GRIN2A: variants seen among roughly 807,000 people sequenced by gnomAD.
The protein encoded by GRIN2A is glutamate receptor ionotropic, NMDA 2A.
In GRIN2A, 22 loss-of-function variants were observed where a neutral mutation model predicts 113.4. The observed-to-expected ratio is 0.19, with a 90% CI of 0.14 to 0.28. The LOEUF (loss-of-function observed/expected upper bound fraction) is 0.28. Ranked by LOEUF, GRIN2A falls within the 10% of genes least tolerant of loss-of-function variation. The pLI, the probability that GRIN2A is intolerant of heterozygous loss-of-function variation, is 1.00. For synonymous variants in GRIN2A, 827 were observed against 738.4 expected (o/e 1.12, Z -1.94); for missense variants, 1,502 against 1,887.0 (o/e 0.80, Z 3.78).
intron 3 of GRIN2A, among the ~76,000 whole-genome samples, chr16:9,894,036 AG>A (rs1039322931): frequency 3.9e-5 from 6 of 152,194 alleles, no homozygotes; most frequent in Non-Finnish European, 8.8e-5. Flanking sequence ...CACAGACAAA[AG>A]GGTCCCTAAC....
intron 2 of GRIN2A, among the ~76,000 whole-genome samples, chr16:10,063,054 C>G (rs1386887810): frequency 6.6e-6 from 1 of 152,054 alleles, no homozygotes; most frequent in African/African-American, 2.4e-5. Context: ...TAAAAAAGAA[C>G]AAAATCATGT....
At chr16:9,994,931 T>G (rs1248622253) in intron 2 of GRIN2A, among the ~76,000 whole-genome samples, 1 of 151,934 alleles carries the variant, frequency 6.6e-6, no homozygotes, top group East Asian at 1.9e-4. Flanking sequence ...AACAAGCAAA[T>G]AAATGCAAGC....
rs762873278 is a variant in GRIN2A at position 9,840,891 on chromosome 16, G to T, written c.1497+45C>A. ...CTGCTAACATTCCTGAGGACTGCAG[G>T]CCCTTTGTCTGAGTAAGAGCCTAGG... On this transcript the variant is annotated intron_variant, in intron 6 of 12. Coordinates refer to ENST00000330684, the MANE Select transcript of GRIN2A (RefSeq NM_001134407.3). 3.1e-6 allele frequency: 5 copies of T among 1,606,776 alleles called. 1 individual carries two copies. The South Asian group carries it at 4.4e-5, about 14-fold the overall frequency.
At position 9,763,218 on chromosome 16, in the gene GRIN2A, G is replaced by A. The variant is rs1900666068; in HGVS notation, c.4326C>T (p.Pro1442=). 7 of 1,613,704 alleles carry A rather than the reference G, an allele frequency of 4.3e-6. No homozygotes were observed. Among genetic ancestry groups the A allele is most frequent in the African/African-American group, 1.3e-5 (1 of 74,914 alleles). ...TATTGCTGCAGGAATTTAAAACCCT[G>A]GGGGTAGAGTACATATTATTCTTAT... ...AANKNNMYST[P]RVLNSCSNRR... Residue 1442 remains proline (P), a synonymous_variant, in exon 13 of 13, where the codon CCC becomes CCT. Transcript: ENST00000330684.
intron 4 of GRIN2A, among the ~76,000 whole-genome samples, chr16:9,864,097 T>C (rs1305474414): frequency 6.6e-6 from 1 of 152,226 alleles, no homozygotes; most frequent in Admixed American, 6.5e-5. Context: ...AGAAATATGG[T>C]AAAGGTTTTT....
At chr16:10,005,446 A>C (rs962075350) in intron 2 of GRIN2A, among the ~76,000 whole-genome samples, 4 of 152,226 alleles carry the variant, frequency 2.6e-5, no homozygotes, top group African/African-American at 9.7e-5. Flanking sequence ...AATGAAGGAG[A>C]AATTTCAGAG....
intron 2 of GRIN2A, among the ~76,000 whole-genome samples, chr16:10,065,634 G>T (rs1201664543): frequency 2.0e-5 from 3 of 152,220 alleles, no homozygotes; most frequent in Non-Finnish European, 4.4e-5. Flanking sequence ...TTCAGTGACA[G>T]CATGGATGAA....
At chr16:10,130,350 T>G (rs1261296385) in intron 2 of GRIN2A, among the ~76,000 whole-genome samples, 1 of 152,230 alleles carries the variant, frequency 6.6e-6, no homozygotes, top group Non-Finnish European at 1.5e-5. Context: ...GCATCCACTC[T>G]TGTGAAGGCT....
At chr16:9,825,228 G>A (rs538394309) in intron 9 of GRIN2A, among the ~76,000 whole-genome samples, 98 of 152,166 alleles carry the variant, frequency 6.4e-4, no homozygotes, top group Non-Finnish European at 1.0e-3. Context: ...AACCAGTTAA[G>A]CTCCTGAGCC....
intron 2 of GRIN2A, among the ~76,000 whole-genome samples, chr16:10,083,492 C>G (rs1316626263): frequency 6.6e-6 from 1 of 152,234 alleles, no homozygotes; most frequent in Non-Finnish European, 1.5e-5. Context: ...AGATAAAGAT[C>G]TAAATCACTG....
At chr16:9,997,291 A>C (rs2141833393) in intron 2 of GRIN2A, among the ~76,000 whole-genome samples, 1 of 151,898 alleles carries the variant, frequency 6.6e-6, no homozygotes, top group South Asian at 2.1e-4. Context: ...ACCATTCAAC[A>C]CTCCCCACTC....
intron 2 of GRIN2A, among the ~76,000 whole-genome samples, chr16:10,106,092 G>C (rs1015948399): frequency 1.3e-5 from 2 of 151,894 alleles, no homozygotes; most frequent in African/African-American, 4.8e-5. Flanking sequence ...TGTGAAAAAA[G>C]ACTTATAGAA....
chr16:10,031,770 A>G (rs2046933605), intron 2 of GRIN2A, among the ~76,000 whole-genome samples: 1 of 152,198 alleles, frequency 6.6e-6, no homozygotes, highest in Non-Finnish European at 1.5e-5. Flanking sequence ...GCAAAGATGC[A>G]ACACCCAAAT....
intron 2 of GRIN2A, among the ~76,000 whole-genome samples, chr16:9,961,310 C>T (rs895627112): frequency 6.6e-6 from 1 of 152,028 alleles, no homozygotes; most frequent in African/African-American, 2.4e-5. Context: ...ACAGGGAACT[C>T]ATCTAATGAT....
At chr16:9,970,796 C>T (rs781178374) in intron 2 of GRIN2A, 24 of 826,796 alleles carry the variant, frequency 2.9e-5, no homozygotes, top group Non-Finnish European at 3.5e-5. Flanking sequence ...TTGGATATAT[C>T]AAATATAGTT....
rs944403499 is a variant in GRIN2A at position 9,769,286 on chromosome 16, C to T, written c.2357-197G>A. ...TTACATAGCCTACCTAATATTGTTG[C>T]AGTGAGGACAAAATTTATATATAAA... On this transcript the variant is annotated intron_variant, in intron 11 of 12. Transcript: ENST00000330684. The T allele has an allele frequency of 6.4e-6, 3 of 465,288 alleles. No homozygotes were observed. The Admixed American group carries it at 1.0e-4, about 16-fold the overall frequency. The allele number at this position is 465,288 out of a possible 1,614,324, so 28.8% of individuals were successfully genotyped here.
At position 9,829,418 on chromosome 16, in the gene GRIN2A, C is replaced by T; in HGVS notation, c.2007+5G>A. On this transcript the variant is annotated splice_donor_5th_base_variant and intron_variant, in intron 9 of 12. Transcript: ENST00000330684. ...CAGATGGAGAGGAAAGCAAGGTGAC[C>T]TTACCTTTTTGTCACTGAGGCCGGT... The T allele has an allele frequency of 6.2e-7, 1 of 1,600,980 alleles. No homozygotes were observed. Among genetic ancestry groups the T allele is most frequent in the Non-Finnish European group, 8.6e-7 (1 of 1,168,344 alleles).
Position 9,763,766 on chromosome 16 carries a change from G to C in GRIN2A, c.3778C>G (p.Pro1260Ala). ...TGGTAGACCTGCTCCCCGGTGGCTG[G>C]GTTACCTGTCTCCTGAAGCATCTGG... ...EDQMLQETGN[P>A]ATGEQVYQQD... The change falls in exon 13 of 13, where the codon CCA becomes GCA. Residue 1260 changes from proline (P) to alanine (A), a missense_variant. This residue lies in a region of GRIN2A where 832 missense variants were observed against 789.7 expected (regional missense o/e 1.05). Transcript: ENST00000330684. 6.2e-7 allele frequency: 1 copy of C among 1,614,108 alleles called. No individual in the cohort carries two copies. The highest frequency in any genetic ancestry group is 8.5e-7 in the Non-Finnish European group (1 of 1,180,008).
intron 2 of GRIN2A, among the ~76,000 whole-genome samples, chr16:10,034,534 G>GAA (rs2046988496): frequency 2.2e-4 from 1 of 4,646 alleles, no homozygotes; most frequent in Non-Finnish European, 4.4e-4. Context: ...TCAAAAAAAA[G>GAA]CAAAAAAAAA....
Sources: allele counts gnomAD v4.1 joint callset (sites outside exome capture counted in the v4.1 genomes callset), GRCh38; gene constraint gnomAD v4.1.1; regional missense constraint gnomAD v4.1.1; transcripts MANE v1.5; gene names NCBI Gene and HGNC (gene_info 2026-07-23, HGNC 2026-07-21).